HMG20A: variants seen among roughly 807,000 people sequenced by gnomAD.
HMG20A encodes the protein high mobility group protein 20A.
Under a neutral mutation model 43.9 loss-of-function variants are expected in HMG20A, and 17 were observed. The observed-to-expected ratio is 0.39, with a 90% CI of 0.27 to 0.58. The LOEUF (loss-of-function observed/expected upper bound fraction) is 0.58. HMG20A is among the 20% of genes least tolerant of loss of function. HMG20A has a pLI of 0.59. For synonymous variants in HMG20A, 132 were observed against 147.5 expected (o/e 0.89, Z 0.76); for missense variants, 341 against 438.2 (o/e 0.78, Z 1.98).
At chr15:77,452,967 C>T (rs2072618281) in intron 1 of HMG20A, among the ~76,000 whole-genome samples, 1 of 152,214 alleles carries the variant, frequency 6.6e-6, no homozygotes, top group African/African-American at 2.4e-5. Context: ...TGGCTCACGC[C>T]TATAATCTCA....
At chr15:77,437,979 A>C (rs2073567843) in intron 1 of HMG20A, among the ~76,000 whole-genome samples, 1 of 149,494 alleles carries the variant, frequency 6.7e-6, no homozygotes, top group South Asian at 2.1e-4. Flanking sequence ...CGTTTTTTTG[A>C]GACAAGATCT....
the HMG20A span, among the ~76,000 whole-genome samples, chr15:77,517,858 C>G: frequency 6.6e-6 from 1 of 152,122 alleles, no homozygotes; most frequent in Non-Finnish European, 1.5e-5. Flanking sequence ...TGCAAACAGA[C>G]TCACTTACTA....
the HMG20A span, among the ~76,000 whole-genome samples, chr15:77,515,653 T>C: frequency 0.24 from 37,257 of 152,126 alleles, 5,235 homozygotes; most frequent in Non-Finnish European, 0.32. Flanking sequence ...AAAACATAAA[T>C]GTTAAGCACA....
chr15:77,509,599 TG>T, the HMG20A span, among the ~76,000 whole-genome samples: 22 of 140,274 alleles, frequency 1.6e-4, no homozygotes, highest in African/African-American at 4.8e-4. Flanking sequence ...TGTGTGTGTG[TG>T]TGTGTGTCTT....
chr15:77,505,557 C>T, the HMG20A span, among the ~76,000 whole-genome samples: 2 of 152,380 alleles, frequency 1.3e-5, no homozygotes, highest in East Asian at 1.9e-4. Flanking sequence ...CTGGCTTCTG[C>T]ATCCTCACCA....
intron 1 of HMG20A, among the ~76,000 whole-genome samples, chr15:77,436,161 T>C (rs751108301): frequency 3.3e-5 from 5 of 152,222 alleles, no homozygotes; most frequent in Admixed American, 6.5e-5. Flanking sequence ...TCTCGAGTAT[T>C]CCTTATCTCC....
chr15:77,518,361 C>T, the HMG20A span, among the ~76,000 whole-genome samples: 1 of 152,024 alleles, frequency 6.6e-6, no homozygotes, highest in Admixed American at 6.5e-5. Flanking sequence ...GGATAAAATC[C>T]CAGCCTTTCA....
the HMG20A span, among the ~76,000 whole-genome samples, chr15:77,499,759 A>T: frequency 1.3e-5 from 2 of 152,066 alleles, no homozygotes; most frequent in African/African-American, 2.4e-5. Flanking sequence ...CCCCTCCACC[A>T]GTTCGTCCTG....
intron 1 of HMG20A, among the ~76,000 whole-genome samples, chr15:77,448,069 C>T (rs559268514): frequency 1.1e-3 from 168 of 152,222 alleles, no homozygotes; most frequent in Middle Eastern, 3.4e-3. Context: ...CTAGCTTTAC[C>T]TTCAAAATAT....
the HMG20A span, among the ~76,000 whole-genome samples, chr15:77,511,215 G>C: frequency 1.3e-5 from 2 of 152,142 alleles, no homozygotes; most frequent in African/African-American, 4.8e-5. Context: ...GGAAATAGAG[G>C]TATTGATGTG....
In HMG20A at chr15:77,458,494, TGG is replaced by T; in HGVS notation, c.89_89+1del. ...SKESNDLATTGLNHPEVPYSS... is the reference protein window; with the variant it reads ...SKESNDLATTXLNHPEVPYSS... ...AGGAGAGTAATGATCTGGCTACCAC[TGG>T]GTAAGCAGCTGCTTTAGGACACTGG... On this transcript the variant is annotated frameshift_variant and splice_region_variant, in exon 2 of 10. Coordinates refer to ENST00000336216, the MANE Select transcript of HMG20A (RefSeq NM_001304504.2). LOFTEE classifies it high-confidence loss of function. 6.2e-7 allele frequency: 1 copy of T among 1,607,346 alleles called. No individual in the cohort carries two copies. Among genetic ancestry groups the T allele is most frequent in the Non-Finnish European group, 8.5e-7 (1 of 1,174,114 alleles).
At chr15:77,487,253 G>A (rs35628983), downstream of HMG20A, among the ~76,000 whole-genome samples, 12,121 of 152,176 alleles carry the variant, frequency 0.08, 591 homozygotes, top group Non-Finnish European at 0.1. Context: ...TATCATTTTT[G>A]CATGGACGTC....
chr15:77,468,757 A>G (rs953981926), intron 4 of HMG20A, among the ~76,000 whole-genome samples: 4 of 152,134 alleles, frequency 2.6e-5, no homozygotes, highest in Non-Finnish European at 4.4e-5. Context: ...ATATAACCAT[A>G]GTGTAGTCAT....
chr15:77,514,598 T>C, the HMG20A span, among the ~76,000 whole-genome samples: 1 of 152,108 alleles, frequency 6.6e-6, no homozygotes. Flanking sequence ...ATAAGGTTAG[T>C]GTGTATGCCA....
At chr15:77,518,722 TG>T in the HMG20A span, among the ~76,000 whole-genome samples, 663 of 152,308 alleles carry the variant, frequency 4.4e-3, 6 homozygotes, top group African/African-American at 0.015. Flanking sequence ...AATAAGGGAC[TG>T]GGCTTCTCTA....
In HMG20A at chr15:77,434,874, T is replaced by C. The variant is rs554847557; in HGVS notation, c.-5+13870T>C. On this transcript the variant is annotated intron_variant, in intron 1 of 9. Coordinates refer to ENST00000336216, the MANE Select transcript of HMG20A (RefSeq NM_001304504.2). ...ATCATACACCCTCTGACCCAGCTGT[T>C]CCTAGGTATACACCCAACAGAAATT... Among the ~76,000 whole-genome samples, 10 of 152,220 alleles carry C rather than the reference T, an allele frequency of 6.6e-5. No homozygotes were observed. The South Asian group carries it at 2.1e-3, about 32-fold the overall frequency.
chr15:77,443,352 T>TATGATGATGATG lies in HMG20A; in HGVS notation c.-4-15034_-4-15023dup, dbSNP rs771200087. On this transcript the variant is annotated intron_variant, in intron 1 of 9. Coordinates refer to ENST00000336216, the MANE Select transcript of HMG20A (RefSeq NM_001304504.2). ...TCTTTGTTCTTATATATCTATTTTT[T>TATGATGATGATG]ATGATGATGATGATGATGATGATGA... 4.7e-3 allele frequency among the ~76,000 whole-genome samples: 671 copies of TATGATGATGATG among 141,758 alleles called. 9 individuals are homozygous for TATGATGATGATG. Among genetic ancestry groups the TATGATGATGATG allele is most frequent in the African/African-American group, 0.016 (624 of 38,246 alleles). The allele number at this position is 141,758 out of a possible 152,430, so 93.0% of individuals were successfully genotyped here. A position where few individuals can be genotyped will look rare whatever the true frequency, so the allele number is the denominator to read the frequency against.
chr15:77,511,330 T>G, the HMG20A span, among the ~76,000 whole-genome samples: 1 of 151,776 alleles, frequency 6.6e-6, no homozygotes, highest in East Asian at 1.9e-4. Flanking sequence ...ACTGAGAAGG[T>G]CTGGGAGCAA....
chr15:77,498,321 C>T, the HMG20A span, among the ~76,000 whole-genome samples: 2 of 152,140 alleles, frequency 1.3e-5, no homozygotes, highest in Admixed American at 1.3e-4. Flanking sequence ...ACTCACGGGC[C>T]AGCTCTTGCT....
Sources: gnomAD v4.1 joint callset for allele counts (sites outside exome capture counted in the v4.1 genomes callset) on GRCh38, gnomAD v4.1.1 for gene constraint, MANE v1.5 for transcripts, NCBI Gene and HGNC (gene_info 2026-07-23, HGNC 2026-07-21) for gene names.